The following COL19A1 variants were observed in gnomAD, a reference collection of about 807,000 sequenced individuals.
The protein encoded by COL19A1 is collagen type XIX alpha 1 chain, also known as collagen alpha-1(XIX) chain.
In COL19A1, 159 loss-of-function variants were observed where a neutral mutation model predicts 190.2. The observed-to-expected ratio is 0.84, with a 90% CI of 0.73 to 0.95. The LOEUF (loss-of-function observed/expected upper bound fraction) is 0.95. Among genes scored for constraint, COL19A1 ranks in the 40% least tolerant of loss-of-function variants. The pLI is 0.00. For synonymous variants in COL19A1, 509 were observed against 458.9 expected, an observed-to-expected ratio of 1.11 and a Z score of -1.39; for missense variants, 1,418 against 1,431.9, an observed-to-expected ratio of 0.99 and a Z score of 0.16.
intron 40 of COL19A1, among the ~76,000 whole-genome samples, chr6:70,169,133 A>G (rs1056370416): frequency 2.6e-5 from 4 of 152,106 alleles, no homozygotes; most frequent in Non-Finnish European, 5.9e-5. Context: ...TGCAGGAGAT[A>G]TGTTTTGTCA....
intron 22 of COL19A1, among the ~76,000 whole-genome samples, chr6:70,142,350 C>G (rs1314884590): frequency 6.6e-6 from 1 of 152,176 alleles, no homozygotes; most frequent in Non-Finnish European, 1.5e-5. Flanking sequence ...TGAGCTAAAT[C>G]TACGACCTTG....
intron 20 of COL19A1, among the ~76,000 whole-genome samples, 192 bp from the exon 21 acceptor site, chr6:70,141,701 A>C (rs779783874): frequency 1.3e-5 from 2 of 152,102 alleles, no homozygotes; most frequent in Non-Finnish European, 2.9e-5. Context: ...TGAAGAAATC[A>C]AGAAAGTATT....
In COL19A1 at chr6:69,940,191, C is replaced by G. The variant is rs112182739; in HGVS notation, c.936+2091C>G. On this transcript the variant is annotated intron_variant, in intron 9 of 50. Transcript: ENST00000620364. ...AGTGCTTAGTCACTGTTGTTAGAGCCTATACCTTTTAAGGATGCATTTTCC... is the reference window on the plus strand; with the variant it reads ...AGTGCTTAGTCACTGTTGTTAGAGCGTATACCTTTTAAGGATGCATTTTCC... 7.5e-3 allele frequency among the ~76,000 whole-genome samples: 1,136 copies of G among 152,146 alleles called. 10 individuals carry two copies. Among genetic ancestry groups the G allele is most frequent in the Non-Finnish European group, 0.011 (722 of 67,976 alleles).
intron 12 of COL19A1, among the ~76,000 whole-genome samples, chr6:70,029,326 C>T (rs549460760): frequency 2.2e-4 from 33 of 152,076 alleles, no homozygotes; most frequent in Non-Finnish European, 3.7e-4. Flanking sequence ...ATAGTCTACC[C>T]GCTTTTATAA....
chr6:69,979,672 C>CT (rs1033599291), intron 11 of COL19A1, among the ~76,000 whole-genome samples: 13 of 151,450 alleles, frequency 8.6e-5, no homozygotes, highest in Non-Finnish European at 1.8e-4. Flanking sequence ...GATAAACTAC[C>CT]TTTTTTTACT....
At chr6:69,993,825 T>C (rs147107078) in intron 11 of COL19A1, among the ~76,000 whole-genome samples, 3,816 of 152,150 alleles carry the variant, frequency 0.025, 64 homozygotes, top group Non-Finnish European at 0.037. Flanking sequence ...TTTCTGATTG[T>C]TTATTTGGAT....
intron 44 of COL19A1, among the ~76,000 whole-genome samples, chr6:70,182,716 G>A (rs1172202031): frequency 6.6e-6 from 1 of 152,164 alleles, no homozygotes; most frequent in Non-Finnish European, 1.5e-5. Context: ...AATATGAGGG[G>A]TAATAATTCT....
At chr6:70,143,654 A>G (rs1299504644) in intron 23 of COL19A1, among the ~76,000 whole-genome samples, 1 of 151,660 alleles carries the variant, frequency 6.6e-6, no homozygotes, top group Non-Finnish European at 1.5e-5. Flanking sequence ...TGGTACTTTG[A>G]ACACCCAGTT....
chr6:70,005,577 G>T (rs563306716), intron 11 of COL19A1, among the ~76,000 whole-genome samples: 1 of 152,168 alleles, frequency 6.6e-6, no homozygotes, highest in Admixed American at 6.5e-5. Flanking sequence ...CCTGATGCCA[G>T]TAGGATTGCT....
chr6:70,168,713 G>T, intron 40 of COL19A1, 32 bp downstream of exon 40: 1 of 1,610,186 alleles, frequency 6.2e-7, no homozygotes, highest in Admixed American at 1.7e-5. Flanking sequence ...GTGTCATTTA[G>T]AATATTGGTC....
At chr6:69,987,817 C>CTTA (rs1181797943) in intron 11 of COL19A1, among the ~76,000 whole-genome samples, 1 of 152,168 alleles carries the variant, frequency 6.6e-6, no homozygotes, top group Non-Finnish European at 1.5e-5. Flanking sequence ...GAATGGAGTT[C>CTTA]TTAATACCAG....
chr6:69,928,071 G>A (rs762291740), intron 5 of COL19A1, 39 bp downstream of exon 5: 1 of 1,595,980 alleles, frequency 6.3e-7, no homozygotes, highest in East Asian at 2.3e-5. Flanking sequence ...AGTTTTCCTT[G>A]TGTAATTAAG....
intron 11 of COL19A1, among the ~76,000 whole-genome samples, chr6:69,982,752 CACG>C (rs1776105463): frequency 6.6e-6 from 1 of 150,696 alleles, no homozygotes; most frequent in African/African-American, 2.4e-5. Context: ...ACGGGCAGAT[CACG>C]ACGTCAGGAG....
intron 11 of COL19A1, among the ~76,000 whole-genome samples, chr6:70,001,859 C>A (rs1387421202): frequency 2.0e-5 from 3 of 152,118 alleles, no homozygotes; most frequent in African/African-American, 7.2e-5. Flanking sequence ...CCCTTTATTT[C>A]TTTCTGTTGC....
intron 2 of COL19A1, among the ~76,000 whole-genome samples, chr6:69,896,266 G>C (rs1218861086): frequency 6.6e-6 from 1 of 152,124 alleles, no homozygotes; most frequent in South Asian, 2.1e-4. Flanking sequence ...GGCCGGGCGC[G>C]GTGGCTCACG....
chr6:69,895,282 G>A (rs1364507121), intron 2 of COL19A1, among the ~76,000 whole-genome samples: 1 of 152,196 alleles, frequency 6.6e-6, no homozygotes, highest in South Asian at 2.1e-4. Flanking sequence ...TGGTGGGGTG[G>A]TTTCCCATAA....
intron 19 of COL19A1, among the ~76,000 whole-genome samples, 169 bp downstream of exon 19, chr6:70,137,916 T>C (rs1277048682): frequency 6.6e-6 from 1 of 152,174 alleles, no homozygotes; most frequent in East Asian, 1.9e-4. Flanking sequence ...GTCTCTTACA[T>C]GTATTTACAC....
At chr6:70,204,139 G>A (rs1029921586) in intron 49 of COL19A1, among the ~76,000 whole-genome samples, 1 of 152,194 alleles carries the variant, frequency 6.6e-6, no homozygotes, top group Non-Finnish European at 1.5e-5. Flanking sequence ...GGGATTGCAG[G>A]TGTGAGCCAC....
intron 4 of COL19A1, among the ~76,000 whole-genome samples, chr6:69,914,290 A>G (rs374854307): frequency 6.6e-6 from 1 of 152,180 alleles, no homozygotes; most frequent in African/African-American, 2.4e-5. Flanking sequence ...CCAGCCTGGG[A>G]GGAAGGCATT....
Sources: gnomAD v4.1 joint callset for allele counts (sites outside exome capture counted in the v4.1 genomes callset) on GRCh38, gnomAD v4.1.1 for gene constraint, MANE v1.5 for transcripts, NCBI Gene and HGNC (gene_info 2026-07-23, HGNC 2026-07-21) for gene names.